C12orf60: variants seen among roughly 807,000 people sequenced by gnomAD.
C12orf60 encodes chromosome 12 open reading frame 60.
For synonymous variants in C12orf60, 102 were observed against 94.6 expected, an observed-to-expected ratio of 1.08 and a Z score of -0.45; for missense variants, 284 against 283.2, an observed-to-expected ratio of 1.00 and a Z score of -0.02.
intron 1 of C12orf60, chr12:14,806,535 C>T (rs765185528): frequency 5.6e-6 from 9 of 1,614,146 alleles, no homozygotes; most frequent in Non-Finnish European, 6.8e-6. Context: ...GGCCAGCCTG[C>T]ACCCCAAGTG....
chr12:14,822,009 T>G (rs1002060892), intron 1 of C12orf60, among the ~76,000 whole-genome samples: 51 of 15,070 alleles, frequency 3.4e-3, no homozygotes, highest in Admixed American at 5.1e-3. Flanking sequence ...TGTGTGGGGG[T>G]GGGGTGGGGA....
At chr12:14,813,719 A>T (rs367942286) in intron 1 of C12orf60, among the ~76,000 whole-genome samples, 26 of 152,336 alleles carry the variant, frequency 1.7e-4, no homozygotes, top group African/African-American at 6.3e-4. Context: ...CCAGTATTAG[A>T]TTCCACATTC....
intron 1 of C12orf60, chr12:14,805,892 CTTA>C: frequency 9.0e-7 from 1 of 1,114,810 alleles, no homozygotes; most frequent in Non-Finnish European, 1.3e-6. Flanking sequence ...AATTGTTTAT[CTTA>C]TTTAAGTCCA....
At position 14,823,753 on chromosome 12, in the gene C12orf60, T is replaced by C; in HGVS notation, c.*80T>C. The C allele has an allele frequency of 1.5e-6, 2 of 1,360,622 alleles. No homozygotes were observed. Among genetic ancestry groups the C allele is most frequent in the Non-Finnish European group, 2.0e-6 (2 of 1,018,134 alleles). 84.3% of individuals were successfully genotyped at this position (1,360,622 alleles called of 1,614,324 possible). A position where few individuals can be genotyped will look rare whatever the true frequency, so the allele number is the denominator to read the frequency against. The stretch of plus-strand genomic sequence containing the variant: ...TTTCATAGTAGTTTCTAAGATCTTT[T>C]GGTGCCAAACATGTGCTATGTTAGA... On this transcript the variant is annotated 3_prime_UTR_variant, in exon 2 of 2. Transcript: ENST00000330828.
chr12:14,816,955 C>G (rs1480285526), intron 1 of C12orf60, among the ~76,000 whole-genome samples: 1 of 152,058 alleles, frequency 6.6e-6, no homozygotes, highest in Non-Finnish European at 1.5e-5. Context: ...GTTGGGCAGG[C>G]TGGTCTCCAA....
chr12:14,811,179 A>T (rs898465199), intron 1 of C12orf60, among the ~76,000 whole-genome samples: 1 of 152,210 alleles, frequency 6.6e-6, no homozygotes, highest in Non-Finnish European at 1.5e-5. Flanking sequence ...CACTTGGGGA[A>T]TTACCATCCA....
At chr12:14,810,008 A>G (rs1950111417) in intron 1 of C12orf60, among the ~76,000 whole-genome samples, 1 of 152,254 alleles carries the variant, frequency 6.6e-6, no homozygotes. Flanking sequence ...ACTTGCGCTT[A>G]GACTCTTTTT....
intron 1 of C12orf60, chr12:14,806,506 C>G: frequency 1.9e-6 from 3 of 1,614,146 alleles, no homozygotes; most frequent in Non-Finnish European, 2.5e-6. Flanking sequence ...ATGGTCCCAT[C>G]TCTTTTCATC....
At chr12:14,813,878 ACT>A (rs1475237766) in intron 1 of C12orf60, among the ~76,000 whole-genome samples, 8 of 151,774 alleles carry the variant, frequency 5.3e-5, no homozygotes, top group African/African-American at 1.7e-4. Context: ...CTTCTCTTCC[ACT>A]CTGACTTAAT....
chr12:14,809,893 ATGG>A (rs1950109757), intron 1 of C12orf60, among the ~76,000 whole-genome samples: 1 of 152,218 alleles, frequency 6.6e-6, no homozygotes, highest in Admixed American at 6.5e-5. Flanking sequence ...ATCTAATAAA[ATGG>A]TGGGAAAAGT....
intron 1 of C12orf60, among the ~76,000 whole-genome samples, chr12:14,821,032 A>C (rs1950297370): frequency 1.3e-5 from 2 of 152,048 alleles, no homozygotes; most frequent in Non-Finnish European, 2.9e-5. Context: ...TGTATTTTTC[A>C]ACCTTGTGAA....
chr12:14,820,112 G>A (rs1950282462), intron 1 of C12orf60, among the ~76,000 whole-genome samples: 1 of 151,822 alleles, frequency 6.6e-6, no homozygotes, highest in African/African-American at 2.4e-5. Context: ...GTCTTTTAAG[G>A]GAATAGGCCT....
chr12:14,809,274 C>T (rs71532844), intron 1 of C12orf60, among the ~76,000 whole-genome samples: 3,913 of 152,226 alleles, frequency 0.026, 63 homozygotes, highest in Middle Eastern at 0.082. Context: ...TCCAAGTGGT[C>T]GGCTCCTTTT....
chr12:14,809,993 C>G (rs753519722), intron 1 of C12orf60, among the ~76,000 whole-genome samples: 1 of 152,210 alleles, frequency 6.6e-6, no homozygotes, highest in African/African-American at 2.4e-5. Context: ...TAGTCTTGCT[C>G]TTGCACTTGC....
chr12:14,815,102 C>T (rs1469706194), intron 1 of C12orf60, among the ~76,000 whole-genome samples: 2 of 152,170 alleles, frequency 1.3e-5, no homozygotes, highest in African/African-American at 4.8e-5. Flanking sequence ...ACAACAGTAT[C>T]TCCTGGTGGA....
chr12:14,814,744 T>G (rs1020627992), intron 1 of C12orf60, among the ~76,000 whole-genome samples: 1 of 152,190 alleles, frequency 6.6e-6, no homozygotes, highest in Non-Finnish European at 1.5e-5. Flanking sequence ...CTCTTTTCCC[T>G]GAAAGCTCAG....
At chr12:14,813,693 A>G (rs1950175411) in intron 1 of C12orf60, among the ~76,000 whole-genome samples, 1 of 152,210 alleles carries the variant, frequency 6.6e-6, no homozygotes, top group Non-Finnish European at 1.5e-5. Context: ...GAAGGAGTAT[A>G]AGTACTATAC....
intron 1 of C12orf60, among the ~76,000 whole-genome samples, chr12:14,820,398 T>C (rs879411642): frequency 6.6e-5 from 10 of 152,054 alleles, no homozygotes; most frequent in Non-Finnish European, 1.3e-4. Context: ...GAATGTTTGC[T>C]CTTTCTTTTC....
intron 1 of C12orf60, among the ~76,000 whole-genome samples, chr12:14,813,113 C>T (rs909515039): frequency 3.3e-5 from 5 of 152,054 alleles, no homozygotes; most frequent in African/African-American, 9.7e-5. Context: ...GTTATGGGTA[C>T]ATGGGAGTTT....
Sources: gnomAD v4.1 joint callset for allele counts (sites outside exome capture counted in the v4.1 genomes callset) on GRCh38, gnomAD v4.1.1 for gene constraint, MANE v1.5 for transcripts, NCBI Gene and HGNC (gene_info 2026-07-23, HGNC 2026-07-21) for gene names.